The following PRRC2C variants were observed in gnomAD, a reference collection of about 807,000 sequenced individuals.
The protein encoded by PRRC2C is proline rich coiled-coil 2C.
Under a neutral mutation model 317.2 loss-of-function variants are expected in PRRC2C, and 72 were observed. The observed-to-expected ratio is 0.23, with a 90% CI of 0.19 to 0.28. PRRC2C has a LOEUF of 0.28. PRRC2C is among the 10% of genes least tolerant of loss of function. PRRC2C has a pLI of 1.00. For synonymous variants in PRRC2C, 1,296 were observed against 1,205.9 expected (o/e 1.07, Z -1.55); for missense variants, 3,074 against 3,459.7 (o/e 0.89, Z 2.80).
intron 16 of PRRC2C, among the ~76,000 whole-genome samples, chr1:171,543,373 A>AT (rs1436533433): frequency 1.3e-5 from 2 of 151,154 alleles, no homozygotes; most frequent in Non-Finnish European, 2.9e-5. Flanking sequence ...TGATTTATTT[A>AT]TTTAGTGTTA....
intron 30 of PRRC2C, 144 bp downstream of exon 30, chr1:171,584,670 C>T: frequency 2.1e-6 from 2 of 945,736 alleles, no homozygotes; most frequent in Non-Finnish European, 3.0e-6. Context: ...TGAAGAATTC[C>T]ACTGGGTCCA....
Position 171,571,441 on chromosome 1 carries a change from C to T in PRRC2C, c.6753+20C>T, listed in dbSNP as rs1292046053. On this transcript the variant is annotated intron_variant, in intron 24 of 34. Transcript: ENST00000647382. ...TTCAAGGTATGTACAACATCCATCT[C>T]TAAGAGTCCTTAATTGTTGCATGCA... The T allele has an allele frequency of 6.6e-6, 10 of 1,519,448 alleles. No individual in the cohort carries two copies. Among genetic ancestry groups the T allele is most frequent in the Non-Finnish European group, 8.2e-6 (9 of 1,094,514 alleles). The allele number at this position is 1,519,448 out of a possible 1,614,324, so 94.1% of individuals were successfully genotyped here.
At chr1:171,517,067 A>G (rs752710350) in intron 5 of PRRC2C, among the ~76,000 whole-genome samples, 1 of 152,244 alleles carries the variant, frequency 6.6e-6, no homozygotes, top group Non-Finnish European at 1.5e-5. Context: ...GTTACCATGC[A>G]GTGTTTCTTA....
chr1:171,492,643 G>A (rs1571542445), intron 1 of PRRC2C, among the ~76,000 whole-genome samples: 1 of 152,264 alleles, frequency 6.6e-6, no homozygotes, highest in South Asian at 2.1e-4. Flanking sequence ...CTCCCATGCT[G>A]ATCAGTAGTG....
intron 28 of PRRC2C, among the ~76,000 whole-genome samples, chr1:171,580,507 T>G (rs967552662): frequency 2.0e-5 from 3 of 152,218 alleles, no homozygotes; most frequent in Non-Finnish European, 4.4e-5. Context: ...GAAAACTGAT[T>G]TTTATTGAAC....
At chr1:171,565,549 G>A (rs763508474) in intron 20 of PRRC2C, among the ~76,000 whole-genome samples, 12 of 152,226 alleles carry the variant, frequency 7.9e-5, no homozygotes, top group Non-Finnish European at 1.6e-4. Context: ...CCGGGTTCAA[G>A]CGATTCTCCT....
In PRRC2C at chr1:171,566,966, C is replaced by T. The variant is rs113035515; in HGVS notation, c.6558+123C>T. ...GGCATATAACTCTATAGATTATTTC[C>T]GCAAAGAAGATTTTGTTTCATGATT... On this transcript the variant is annotated intron_variant, in intron 22 of 34. Coordinates refer to ENST00000647382, the MANE Select transcript of PRRC2C (RefSeq NM_001387844.1). 1.3e-4 allele frequency: 143 copies of T among 1,079,718 alleles called. No individual in the cohort carries two copies. In the African/African-American group the frequency reaches 1.9e-3, roughly 14 times the overall value. The allele number at this position is 1,079,718 out of a possible 1,614,324, so 66.9% of individuals were successfully genotyped here.
chr1:171,532,327 T>TA lies in PRRC2C; in HGVS notation c.1255-15dup. On this transcript the variant is annotated splice_polypyrimidine_tract_variant and intron_variant, in intron 11 of 34. Transcript: ENST00000647382. ...AATAGAGTTGTCATAACTCATCTGA[T>TA]ACCTTAATGTTTCAGCATCCACCTC... 6.3e-7 allele frequency: 1 copy of TA among 1,597,426 alleles called. No individual in the cohort carries two copies. The highest frequency in any genetic ancestry group is 8.5e-7 in the Non-Finnish European group (1 of 1,172,812).
Position 171,591,883 on chromosome 1 carries a change from CGGGA to C in PRRC2C, c.*37_*40del. On this transcript the variant is annotated 3_prime_UTR_variant, in exon 35 of 35. Coordinates refer to ENST00000647382, the MANE Select transcript of PRRC2C (RefSeq NM_001387844.1). ...TTATTGCAGGGGATTGGGAGGGGGG[CGGGA>C]AAACATGGAGAATTAAGTCAGATAA... 1.3e-5 allele frequency: 15 copies of C among 1,126,160 alleles called. No homozygotes were observed. The highest frequency in any genetic ancestry group is 3.4e-5 in the East Asian group (1 of 29,038). The allele number at this position is 1,126,160 out of a possible 1,614,324, so 69.8% of individuals were successfully genotyped here.
chr1:171,520,718 A>C (rs893629255), intron 6 of PRRC2C, among the ~76,000 whole-genome samples: 1 of 152,040 alleles, frequency 6.6e-6, no homozygotes, highest in African/African-American at 2.4e-5. Context: ...GTATCCCTCA[A>C]AGTTTCCCCA....
chr1:171,582,037 T>C (rs557601412), intron 28 of PRRC2C, among the ~76,000 whole-genome samples: 3 of 152,308 alleles, frequency 2.0e-5, no homozygotes, highest in Admixed American at 6.5e-5. Flanking sequence ...GTTTGTTTGC[T>C]TGCTTAATCT....
intron 19 of PRRC2C, among the ~76,000 whole-genome samples, chr1:171,560,194 CAACATT>C (rs1682385318): frequency 6.6e-6 from 1 of 152,160 alleles, no homozygotes; most frequent in African/African-American, 2.4e-5. Context: ...GTCAGAATAT[CAACATT>C]AACAGGGGTT....
Position 171,536,131 on chromosome 1 carries a change from C to T in PRRC2C, c.2146C>T (p.His716Tyr). 6.3e-7 allele frequency: 1 copy of T among 1,587,524 alleles called. No individual in the cohort carries two copies. The highest frequency in any genetic ancestry group is 1.1e-5 in the South Asian group (1 of 87,290). Reference protein sequence around the residue: ...PSSSTVPPPPHRPLYQPMQPH... With the variant: ...PSSSTVPPPPYRPLYQPMQPH... Reference sequence around the variant, plus strand: ...CAGTAGTACTGTCCCTCCTCCACCACACAGACCTCTTTATCAGCCTATGCA... The same window carrying T: ...CAGTAGTACTGTCCCTCCTCCACCATACAGACCTCTTTATCAGCCTATGCA... The change falls in exon 14 of 35, where the codon CAC becomes TAC. Residue 716 changes from histidine (H) to tyrosine (Y), a missense_variant. Transcript: ENST00000647382.
intron 11 of PRRC2C, among the ~76,000 whole-genome samples, chr1:171,531,016 G>A (rs1055551117): frequency 3.0e-4 from 45 of 152,056 alleles, no homozygotes; most frequent in Non-Finnish European, 4.4e-4. Context: ...ATGAAACAAC[G>A]TGCCCACAAT....
Position 171,536,048 on chromosome 1 carries a change from A to G in PRRC2C, c.2063A>G (p.Gln688Arg). ...QRQQEQMKQQ[Q>R]WQQQQQQGVL... ...TTTCAGGAACAGATGAAACAGCAGCAGTGGCAGCAGCAGCAACAGCAAGGT... is the reference window on the plus strand; with the variant it reads ...TTTCAGGAACAGATGAAACAGCAGCGGTGGCAGCAGCAGCAACAGCAAGGT... The change falls in exon 14 of 35, where the codon CAG (glutamine) becomes CGG (arginine). Residue 688 changes from glutamine (Q) to arginine (R), a missense_variant. Physicochemically the swap from Gln to Arg is conservative, Grantham distance 43. Coordinates refer to ENST00000647382, the MANE Select transcript of PRRC2C (RefSeq NM_001387844.1). 6.4e-7 allele frequency: 1 copy of G among 1,552,040 alleles called. No homozygotes were observed. Among genetic ancestry groups the G allele is most frequent in the Non-Finnish European group, 8.7e-7 (1 of 1,147,132 alleles).
intron 1 of PRRC2C, among the ~76,000 whole-genome samples, chr1:171,503,348 A>G (rs1273634860): frequency 6.6e-6 from 1 of 151,750 alleles, no homozygotes; most frequent in Admixed American, 6.6e-5. Context: ...ACATGACAAA[A>G]CCCCATCTTT....
Position 171,523,420 on chromosome 1 carries a change from T to C in PRRC2C, c.968-15T>C. ...GCTTTCAAGCAGCCAGTCTGAGTTT[T>C]CCTTAATTTAATAGGTGCTCAGATG... On this transcript the variant is annotated splice_polypyrimidine_tract_variant and intron_variant, in intron 8 of 34. Transcript: ENST00000647382. 6.2e-7 allele frequency: 1 copy of C among 1,613,610 alleles called. No individual in the cohort carries two copies. Among genetic ancestry groups the C allele is most frequent in the Non-Finnish European group, 8.5e-7 (1 of 1,179,690 alleles).
At chr1:171,545,961 A>G (rs1383413057) in intron 17 of PRRC2C, among the ~76,000 whole-genome samples, 1 of 152,214 alleles carries the variant, frequency 6.6e-6, no homozygotes, top group Non-Finnish European at 1.5e-5. Flanking sequence ...AAAAAAGAGG[A>G]AGAAAATTCA....
chr1:171,541,598 A>G lies in PRRC2C; in HGVS notation c.4132A>G (p.Asn1378Asp). ...ACCAGCTTATCGGGACAATCAGTGGAACCCAAGGCAGTCAGAAGTTCCTAA... is the reference window on the plus strand; with the variant it reads ...ACCAGCTTATCGGGACAATCAGTGGGACCCAAGGCAGTCAGAAGTTCCTAA... ...RRPAYRDNQW[N>D]PRQSEVPKPE... is the part of the protein sequence containing the mutation. Residue 1378 changes from asparagine to aspartate, a missense_variant, in exon 16 of 35, where the codon AAC becomes GAC. Asn to Asp is a conservative substitution (Grantham distance 23). Around this residue, in one of 11 missense-constraint regions of PRRC2C, gnomAD observed 1,320 missense variants for 1,395.7 expected, o/e 0.95. Transcript: ENST00000647382. The surrounding 1 kb of genome is among the most constrained non-coding windows in gnomAD (Gnocchi z 4.1). 6.2e-7 allele frequency: 1 copy of G among 1,613,826 alleles called. No homozygotes were observed.
Sources: allele counts gnomAD v4.1 joint callset (sites outside exome capture counted in the v4.1 genomes callset), GRCh38; gene constraint gnomAD v4.1.1; regional missense constraint gnomAD v4.1.1; non-coding constraint Gnocchi (gnomAD v3.1); transcripts MANE v1.5; gene names NCBI Gene and HGNC (gene_info 2026-07-23, HGNC 2026-07-21).